Variants in KIAA1217 observed in about 807,000 individuals in gnomAD.
KIAA1217 encodes sickle tail protein homolog.
In KIAA1217, 88 loss-of-function variants were observed where a neutral mutation model predicts 163.9. The observed-to-expected ratio is 0.54, with a 90% confidence interval of 0.45 to 0.64. The LOEUF is 0.64. KIAA1217 is among the 30% of genes least tolerant of loss of function. The pLI, the probability that KIAA1217 is intolerant of heterozygous loss-of-function variation, is 0.00. For missense variants in KIAA1217, 2,372 were observed against 2,475.0 expected (o/e 0.96, Z 0.88); for synonymous variants, 903 against 923.1 (o/e 0.98, Z 0.39).
intron 2 of KIAA1217, among the ~76,000 whole-genome samples, chr10:24,351,146 C>T (rs565225560): frequency 7.9e-5 from 12 of 152,234 alleles, no homozygotes; most frequent in South Asian, 4.1e-4. Flanking sequence ...TGGGGTTTCC[C>T]CATGTTGGAC....
At chr10:23,861,076 C>T (rs1839929511) in intron 1 of KIAA1217, among the ~76,000 whole-genome samples, 1 of 151,884 alleles carries the variant, frequency 6.6e-6, no homozygotes, top group Non-Finnish European at 1.5e-5. Context: ...CCGTGACTGG[C>T]TAATTTTTGT....
intron 1 of KIAA1217, among the ~76,000 whole-genome samples, chr10:23,921,049 C>T (rs1320389727): frequency 6.6e-6 from 1 of 152,158 alleles, no homozygotes; most frequent in East Asian, 1.9e-4. Context: ...GTCCATTATA[C>T]CTCTTTTTCT....
intron 1 of KIAA1217, among the ~76,000 whole-genome samples, chr10:23,951,100 G>A (rs1844316311): frequency 6.6e-6 from 1 of 152,106 alleles, no homozygotes; most frequent in Non-Finnish European, 1.5e-5. Context: ...AGTACTGTGA[G>A]AACAGGAATT....
chr10:23,776,070 T>A (rs937901941), intron 1 of KIAA1217, among the ~76,000 whole-genome samples: 17 of 152,200 alleles, frequency 1.1e-4, no homozygotes, highest in African/African-American at 4.1e-4. Context: ...GGGCAGGTCA[T>A]GTTCAGAAAA....
At chr10:24,227,355 C>A (rs1388906602) in intron 2 of KIAA1217, among the ~76,000 whole-genome samples, 3 of 151,338 alleles carry the variant, frequency 2.0e-5, no homozygotes, top group South Asian at 4.2e-4. Flanking sequence ...GACAGGGTTT[C>A]ACTATGTTGG....
intron 2 of KIAA1217, among the ~76,000 whole-genome samples, chr10:24,242,842 C>G (rs114181768): frequency 9.2e-5 from 14 of 152,188 alleles, no homozygotes; most frequent in African/African-American, 3.1e-4. Flanking sequence ...TGATTAGTGA[C>G]GTGGAGCATT....
intron 1 of KIAA1217, among the ~76,000 whole-genome samples, chr10:24,210,562 C>T (rs2067953894): frequency 1.3e-5 from 2 of 150,552 alleles, no homozygotes; most frequent in Admixed American, 6.7e-5. Flanking sequence ...TCTAGAGGGG[C>T]CATTAGAAAG....
At chr10:24,030,291 G>C (rs1848138783) in intron 2 of KIAA1217, among the ~76,000 whole-genome samples, 1 of 152,072 alleles carries the variant, frequency 6.6e-6, no homozygotes, top group Non-Finnish European at 1.5e-5. Context: ...TGTCGAGGGA[G>C]GGTCTTGATG....
chr10:24,220,520 T>C (rs1285973577), intron 2 of KIAA1217, among the ~76,000 whole-genome samples: 2 of 144,712 alleles, frequency 1.4e-5, no homozygotes, highest in African/African-American at 2.7e-5. Flanking sequence ...AGTGGTGCGA[T>C]CTTGGTTCAC....
intron 1 of KIAA1217, among the ~76,000 whole-genome samples, chr10:23,926,511 G>A (rs1319218724): frequency 6.6e-6 from 1 of 152,116 alleles, no homozygotes; most frequent in African/African-American, 2.4e-5. Flanking sequence ...GATCACCTGA[G>A]GTCAGGAGTT....
intron 2 of KIAA1217, among the ~76,000 whole-genome samples, chr10:24,360,222 A>G (rs555538198): frequency 6.6e-6 from 1 of 151,370 alleles, no homozygotes; most frequent in Admixed American, 6.6e-5. Flanking sequence ...AATTCTTTGT[A>G]CTTTTAGTAG....
chr10:23,763,750 A>G (rs1834379268), intron 1 of KIAA1217, among the ~76,000 whole-genome samples: 1 of 152,186 alleles, frequency 6.6e-6, no homozygotes, highest in Admixed American at 6.5e-5. Context: ...CACATACACA[A>G]AGTCATATAA....
At chr10:24,418,762 C>T (rs1311436335) in intron 3 of KIAA1217, among the ~76,000 whole-genome samples, 1 of 151,962 alleles carries the variant, frequency 6.6e-6, no homozygotes, top group Non-Finnish European at 1.5e-5. Flanking sequence ...AAATTACACC[C>T]AGAGTCTTTT....
intron 1 of KIAA1217, among the ~76,000 whole-genome samples, chr10:23,913,849 G>A (rs1037601201): frequency 1.3e-5 from 2 of 152,124 alleles, no homozygotes; most frequent in African/African-American, 4.8e-5. Flanking sequence ...GGGAGAGCAG[G>A]GAACTACTTC....
chr10:24,116,547 TA>T (rs1051154316), intron 2 of KIAA1217, among the ~76,000 whole-genome samples: 40 of 152,278 alleles, frequency 2.6e-4, no homozygotes, highest in African/African-American at 9.6e-4. Flanking sequence ...TGTGTTCCAA[TA>T]AAACTTTATT....
chr10:23,768,950 G>A (rs1410856514), intron 1 of KIAA1217, among the ~76,000 whole-genome samples: 1 of 152,160 alleles, frequency 6.6e-6, no homozygotes, highest in African/African-American at 2.4e-5. Flanking sequence ...ATGCTGCTAA[G>A]GACTGGGAGT....
At chr10:24,301,881 C>T (rs373966580) in intron 2 of KIAA1217, among the ~76,000 whole-genome samples, 4 of 151,922 alleles carry the variant, frequency 2.6e-5, no homozygotes, top group South Asian at 4.1e-4. Flanking sequence ...CCTGTATCTA[C>T]GAAAAATACA....
At chr10:24,191,493 C>A (rs1322935051) in intron 2 of KIAA1217, among the ~76,000 whole-genome samples, 2 of 152,078 alleles carry the variant, frequency 1.3e-5, no homozygotes, top group Non-Finnish European at 2.9e-5. Flanking sequence ...TGCCCCCCTT[C>A]TCCATTATGT....
At chr10:24,301,162 A>C (rs557944511) in intron 2 of KIAA1217, among the ~76,000 whole-genome samples, 14 of 152,114 alleles carry the variant, frequency 9.2e-5, no homozygotes, top group Non-Finnish European at 2.1e-4. Flanking sequence ...TCAGACAATA[A>C]AATTCAGTGC....
Sources: gnomAD v4.1 joint callset for allele counts (sites outside exome capture counted in the v4.1 genomes callset) on GRCh38, gnomAD v4.1.1 for gene constraint, MANE v1.5 for transcripts, NCBI Gene and HGNC (gene_info 2026-07-23, HGNC 2026-07-21) for gene names.